CACNB2: variants seen among roughly 807,000 people sequenced by gnomAD.
CACNB2 encodes calcium voltage-gated channel auxiliary subunit beta 2.
In CACNB2, 42 loss-of-function variants were observed where a neutral mutation model predicts 73.3. The ratio of observed to expected loss-of-function variants is 0.57; its 90% CI spans 0.45 to 0.74. CACNB2 has a LOEUF of 0.74. CACNB2 is among the 30% of genes least tolerant of loss of function. The pLI is 0.00. For missense variants in CACNB2, 940 were observed against 853.0 expected (o/e 1.10, Z -1.27); for synonymous variants, 348 against 310.3 (o/e 1.12, Z -1.28).
chr10:18,172,763 T>C (rs913207710), intron 2 of CACNB2, among the ~76,000 whole-genome samples: 1 of 152,152 alleles, frequency 6.6e-6, no homozygotes, highest in African/African-American at 2.4e-5. Context: ...TGTCTGTGTT[T>C]GTCCTGCATG....
At chr10:18,293,673 T>C (rs767282686) in intron 2 of CACNB2, among the ~76,000 whole-genome samples, 5 of 152,224 alleles carry the variant, frequency 3.3e-5, no homozygotes, top group Non-Finnish European at 5.9e-5. Context: ...TTTCATTTCC[T>C]CAGGTTAAAA....
intron 2 of CACNB2, among the ~76,000 whole-genome samples, chr10:18,269,841 C>A (rs566288961): frequency 6.6e-6 from 1 of 152,322 alleles, no homozygotes; most frequent in Non-Finnish European, 1.5e-5. Context: ...TTATACTCTC[C>A]ATTGTCCAAG....
chr10:18,252,041 A>G (rs1035162073), intron 2 of CACNB2, among the ~76,000 whole-genome samples: 1 of 152,268 alleles, frequency 6.6e-6, no homozygotes, highest in African/African-American at 2.4e-5. Context: ...GGGTGCCTGT[A>G]TCAGTAAATA....
chr10:18,264,762 C>T (rs777624182), intron 2 of CACNB2, among the ~76,000 whole-genome samples: 13 of 152,146 alleles, frequency 8.5e-5, no homozygotes, highest in Non-Finnish European at 1.9e-4. Flanking sequence ...ACTTAGTGAT[C>T]CATGCTACTG....
At chr10:18,359,918 G>A (rs1335116711) in intron 2 of CACNB2, among the ~76,000 whole-genome samples, 1 of 152,010 alleles carries the variant, frequency 6.6e-6, no homozygotes, top group Non-Finnish European at 1.5e-5. Flanking sequence ...AAGAGTCCTG[G>A]GTTGTAAATT....
At chr10:18,360,150 G>C (rs1045678286) in intron 2 of CACNB2, among the ~76,000 whole-genome samples, 1 of 152,156 alleles carries the variant, frequency 6.6e-6, no homozygotes, top group South Asian at 2.1e-4. Flanking sequence ...TTTGACATCA[G>C]TTATTCCAAC....
intron 9 of CACNB2, among the ~76,000 whole-genome samples, chr10:18,519,549 C>A (rs2051630818): frequency 6.6e-6 from 1 of 152,180 alleles, no homozygotes; most frequent in South Asian, 2.1e-4. Flanking sequence ...CATTCCCCAT[C>A]CCCTCTCTGC....
At chr10:18,526,674 T>C (rs1027690140) in intron 9 of CACNB2, among the ~76,000 whole-genome samples, 1 of 152,206 alleles carries the variant, frequency 6.6e-6, no homozygotes, top group African/African-American at 2.4e-5. Flanking sequence ...TTCTACCTTA[T>C]CTAAAATGAT....
At position 18,261,567 on chromosome 10, in the gene CACNB2, G is replaced by A. The variant is rs61844245; in HGVS notation, c.213+110592G>A. On this transcript the variant is annotated intron_variant, in intron 2 of 13. Transcript: ENST00000324631. The stretch of plus-strand genomic sequence containing the variant: ...TGATAAGGTTGGAAATAACTTGCGC[G>A]GGGATTGGTTTGAGAAGTCCATTGT... Among the ~76,000 whole-genome samples the A allele has an allele frequency of 0.11, 17,129 of 152,136 alleles. 1,247 individuals carry two copies. The highest frequency in any genetic ancestry group is 0.16 in the Non-Finnish European group (11,197 of 67,980).
chr10:18,278,416 G>A (rs1048056378), intron 2 of CACNB2, among the ~76,000 whole-genome samples: 5 of 152,070 alleles, frequency 3.3e-5, no homozygotes, highest in Admixed American at 2.6e-4. Flanking sequence ...GACTTCTGGC[G>A]ACGTAGGCAA....
Position 18,211,377 on chromosome 10 carries a change from A to C in CACNB2, c.213+60402A>C, listed in dbSNP as rs76271666. Reference sequence around the variant, plus strand: ...ATGAGTAAGTAGCTTGACTGGTTCTATTTTTAAATATTTATCATTCAACTT... The same window carrying C: ...ATGAGTAAGTAGCTTGACTGGTTCTCTTTTTAAATATTTATCATTCAACTT... On this transcript the variant is annotated intron_variant, in intron 2 of 13. Coordinates refer to ENST00000324631, the MANE Select transcript of CACNB2 (RefSeq NM_201596.3). Among the ~76,000 whole-genome samples the C allele has an allele frequency of 3.6e-3, 543 of 152,262 alleles. 10 individuals carry two copies. In the East Asian group the frequency reaches 0.066, roughly 19 times the overall value.
intron 2 of CACNB2, among the ~76,000 whole-genome samples, chr10:18,375,076 A>G (rs2042739635): frequency 6.6e-6 from 1 of 152,114 alleles, no homozygotes; most frequent in African/African-American, 2.4e-5. Flanking sequence ...AAATTAGCCA[A>G]GAGTGGTGGC....
intron 2 of CACNB2, among the ~76,000 whole-genome samples, chr10:18,196,256 G>A (rs1392700148): frequency 6.8e-6 from 1 of 147,270 alleles, no homozygotes; most frequent in African/African-American, 2.5e-5. Context: ...CTACTAAGCT[G>A]TTTAACAATA....
chr10:18,401,173 G>T, intron 2 of CACNB2: 1 of 1,558,010 alleles, frequency 6.4e-7, no homozygotes, highest in South Asian at 1.1e-5. Context: ...AGTGAGTGCA[G>T]GTAGAGAGGG....
At chr10:18,459,551 T>C (rs745599541) in intron 3 of CACNB2, among the ~76,000 whole-genome samples, 4 of 152,266 alleles carry the variant, frequency 2.6e-5, no homozygotes, top group Non-Finnish European at 5.9e-5. Context: ...TGGTGCTCTA[T>C]GGCATGACCA....
intron 3 of CACNB2, among the ~76,000 whole-genome samples, chr10:18,497,556 A>C (rs930280981): frequency 6.6e-6 from 1 of 151,882 alleles, no homozygotes; most frequent in Admixed American, 6.6e-5. Flanking sequence ...AGTTGTTGGG[A>C]GTATAGGTGC....
chr10:18,181,452 T>C (rs774659109), intron 2 of CACNB2, among the ~76,000 whole-genome samples: 4 of 152,146 alleles, frequency 2.6e-5, no homozygotes, highest in Non-Finnish European at 5.9e-5. Context: ...CCCTTCCTTA[T>C]AGAAGTCTGC....
chr10:18,440,981 C>T (rs2046382789), intron 3 of CACNB2, among the ~76,000 whole-genome samples: 1 of 152,164 alleles, frequency 6.6e-6, no homozygotes, highest in South Asian at 2.1e-4. Context: ...CTTAAAAGCC[C>T]TCATAAAAGA....
intron 3 of CACNB2, among the ~76,000 whole-genome samples, chr10:18,412,478 C>G (rs2044690273): frequency 6.6e-6 from 1 of 152,304 alleles, no homozygotes; most frequent in African/African-American, 2.4e-5. Context: ...TCAATTTCTT[C>G]CCTACTTACT....
Sources: gnomAD v4.1 joint callset for allele counts (sites outside exome capture counted in the v4.1 genomes callset) on GRCh38, gnomAD v4.1.1 for gene constraint, MANE v1.5 for transcripts, NCBI Gene and HGNC (gene_info 2026-07-23, HGNC 2026-07-21) for gene names.